Variants in ADAMTSL1 observed in about 807,000 individuals in gnomAD.
The protein encoded by ADAMTSL1 is ADAMTS-like protein 1.
ADAMTSL1 carries 126 observed loss-of-function variants against 201.8 expected under a neutral mutation model. The ratio of observed to expected loss-of-function variants is 0.62; its 90% CI spans 0.54 to 0.72. The LOEUF (loss-of-function observed/expected upper bound fraction) is 0.72, where lower values mean the gene tolerates loss of function less well. Among genes scored for constraint, ADAMTSL1 ranks in the 30% least tolerant of loss-of-function variants. The pLI is 0.00. For synonymous variants in ADAMTSL1, 1,121 were observed against 903.4 expected (o/e 1.24, Z -4.32); for missense variants, 2,679 against 2,277.8 (o/e 1.18, Z -3.59).
At chr9:18,032,515 A>T (rs1033122993) in intron 1 of ADAMTSL1, among the ~76,000 whole-genome samples, 2 of 152,156 alleles carry the variant, frequency 1.3e-5, no homozygotes, top group Non-Finnish European at 2.9e-5. Flanking sequence ...GGGTTGGCAG[A>T]CAAGGGGGCA....
chr9:18,773,841 C>G lies in ADAMTSL1; in HGVS notation c.2398-1902C>G, dbSNP rs565145275. ...TTTTAAATTTTCAGGCTTCTTACTT[C>G]CATCCCACCTGATCCTTGGATTTAG... is the stretch of plus-strand genomic sequence containing the variant. On this transcript the variant is annotated intron_variant, in intron 17 of 28. Transcript: ENST00000380548. Among the ~76,000 whole-genome samples the G allele has an allele frequency of 3.0e-3, 461 of 152,308 alleles. 1 individual carries two copies. The highest frequency in any genetic ancestry group is 4.5e-3 in the Non-Finnish European group (303 of 68,026).
rs184535163 is a variant in ADAMTSL1, at chr9:18,277,756, A to C, written c.207+113775A>C. ...CCTATGTCTTTTCACTGGAGAATTT[A>C]ATCTATTTACAATTTAAATAATTGC... is the stretch of plus-strand genomic sequence containing the variant. On this transcript the variant is annotated intron_variant, in intron 2 of 29. Coordinates refer to the ADAMTSL1 transcript ENST00000680146. 2.5e-4 allele frequency among the ~76,000 whole-genome samples: 38 copies of C among 152,282 alleles called. No individual in the cohort carries two copies. The South Asian group carries it at 5.6e-3, about 22-fold the overall frequency.
At chr9:18,619,046 G>A (rs10963675) in intron 4 of ADAMTSL1, among the ~76,000 whole-genome samples, 71,909 of 151,984 alleles carry the variant, frequency 0.47, 17,515 homozygotes, top group East Asian at 0.7. Context: ...GCAGACGCCT[G>A]ATTTGGGATT....
chr9:18,000,889 T>C (rs953892061), intron 1 of ADAMTSL1, among the ~76,000 whole-genome samples: 1 of 152,040 alleles, frequency 6.6e-6, no homozygotes, highest in Non-Finnish European at 1.5e-5. Context: ...ACTTGGCCTT[T>C]GTATCACATT....
chr9:18,637,973 T>A (rs959594815), intron 6 of ADAMTSL1, among the ~76,000 whole-genome samples: 1 of 152,156 alleles, frequency 6.6e-6, no homozygotes, highest in Admixed American at 6.6e-5. Context: ...TTTCTACAAG[T>A]GCCTGTGAGG....
At chr9:18,128,326 ATCT>A (rs779354299) in intron 1 of ADAMTSL1, among the ~76,000 whole-genome samples, 5 of 152,150 alleles carry the variant, frequency 3.3e-5, no homozygotes, top group Non-Finnish European at 7.4e-5. Context: ...ATTTCTGGAC[ATCT>A]TCTTTGTTGA....
At chr9:18,380,148 C>T (rs1294203792) in intron 2 of ADAMTSL1, among the ~76,000 whole-genome samples, 4 of 152,166 alleles carry the variant, frequency 2.6e-5, no homozygotes, top group African/African-American at 9.7e-5. Flanking sequence ...TTTATTTTAA[C>T]AGCCTTTCCT....
chr9:18,362,218 A>G (rs1836557017), intron 2 of ADAMTSL1: 1 of 152,264 alleles, frequency 6.6e-6, no homozygotes. Context: ...TTCTCACCTA[A>G]CACTGGAATA....
chr9:18,437,335 C>A (rs563508107), intron 2 of ADAMTSL1, among the ~76,000 whole-genome samples: 8 of 152,226 alleles, frequency 5.3e-5, no homozygotes, highest in African/African-American at 1.9e-4. Context: ...TGTATTCAAT[C>A]CCTTTGCTCC....
At chr9:18,070,850 G>A (rs967578981) in intron 1 of ADAMTSL1, among the ~76,000 whole-genome samples, 17 of 152,112 alleles carry the variant, frequency 1.1e-4, no homozygotes, top group Non-Finnish European at 1.8e-4. Flanking sequence ...TCCCCACCCC[G>A]ATGATCTGAT....
At chr9:18,612,753 A>G (rs1455668755) in intron 4 of ADAMTSL1, among the ~76,000 whole-genome samples, 1 of 152,208 alleles carries the variant, frequency 6.6e-6, no homozygotes, top group African/African-American at 2.4e-5. Flanking sequence ...TGTAAAACCT[A>G]AAACTATAAA....
At chr9:18,140,309 C>T (rs139318931) in intron 1 of ADAMTSL1, among the ~76,000 whole-genome samples, 2 of 151,896 alleles carry the variant, frequency 1.3e-5, no homozygotes, top group South Asian at 2.1e-4. Flanking sequence ...AGTGATTTGC[C>T]GAGACTCAGG....
chr9:18,780,104 T>G (rs1821299138), intron 19 of ADAMTSL1, among the ~76,000 whole-genome samples: 1 of 152,166 alleles, frequency 6.6e-6, no homozygotes, highest in Non-Finnish European at 1.5e-5. Context: ...ACAATTTCTT[T>G]GAGTGTTGGA....
intron 2 of ADAMTSL1, among the ~76,000 whole-genome samples, chr9:18,450,133 A>G (rs897793642): frequency 7.9e-5 from 12 of 152,218 alleles, no homozygotes; most frequent in Admixed American, 2.0e-4. Flanking sequence ...ATGTCCATTA[A>G]CTAGTAAATA....
At chr9:18,611,171 C>G (rs1825337382) in intron 4 of ADAMTSL1, among the ~76,000 whole-genome samples, 1 of 152,128 alleles carries the variant, frequency 6.6e-6, no homozygotes, top group Non-Finnish European at 1.5e-5. Context: ...TCAAAGTATA[C>G]CATGATGTCA....
intron 16 of ADAMTSL1, among the ~76,000 whole-genome samples, chr9:18,769,551 C>A (rs898198593): frequency 6.6e-6 from 1 of 152,150 alleles, no homozygotes; most frequent in African/African-American, 2.4e-5. Context: ...CAGTCCAGAG[C>A]AGATATGGTG....
At chr9:18,243,682 TCTTCA>T (rs1294832654) in intron 2 of ADAMTSL1, among the ~76,000 whole-genome samples, 4 of 152,042 alleles carry the variant, frequency 2.6e-5, no homozygotes, top group African/African-American at 9.7e-5. Context: ...TAAACTCACA[TCTTCA>T]ACTATGACAT....
intron 23 of ADAMTSL1, among the ~76,000 whole-genome samples, chr9:18,831,350 C>A (rs2131269898): frequency 6.6e-6 from 1 of 152,236 alleles, no homozygotes; most frequent in South Asian, 2.1e-4. Flanking sequence ...GCGTTGTGAA[C>A]TTCTTTATTT....
chr9:18,020,429 G>T (rs758791758), intron 1 of ADAMTSL1, among the ~76,000 whole-genome samples: 4 of 152,046 alleles, frequency 2.6e-5, no homozygotes, highest in Non-Finnish European at 5.9e-5. Flanking sequence ...GCCAGCTACG[G>T]TGGGGGAAGC....
Sources: allele counts gnomAD v4.1 joint callset (sites outside exome capture counted in the v4.1 genomes callset), GRCh38; gene constraint gnomAD v4.1.1; transcripts MANE v1.5; gene names NCBI Gene and HGNC (gene_info 2026-07-23, HGNC 2026-07-21).